The following MBNL3 variants were observed in gnomAD, a reference collection of about 807,000 sequenced individuals.
MBNL3 encodes the protein muscleblind like splicing regulator 3, also known as muscleblind-like protein 3.
MBNL3 carries 6 observed loss-of-function variants against 24.5 expected under a neutral mutation model. The ratio of observed to expected loss-of-function variants is 0.25; its 90% CI spans 0.13 to 0.48. The LOEUF is 0.48. MBNL3 is among the 20% of genes least tolerant of loss of function. MBNL3 has a pLI of 0.99. For synonymous variants in MBNL3, 100 were observed against 101.7 expected, an observed-to-expected ratio of 0.98 and a Z score of 0.10; for missense variants, 230 against 293.5, an observed-to-expected ratio of 0.78 and a Z score of 1.58.
Position 132,439,995 on chromosome X carries a change from C to T in MBNL3, c.-384G>A. 9.0e-6 allele frequency among the ~76,000 whole-genome samples: 1 copy of T among 111,430 alleles called. No homozygotes were observed. The highest frequency in any genetic ancestry group is 1.9e-5 in the Non-Finnish European group (1 of 53,059). On this transcript the variant is annotated 5_prime_UTR_variant, in exon 2 of 9. Coordinates refer to ENST00000370853, the MANE Select transcript of MBNL3 (RefSeq NM_001386889.1). ...AAAACATATGCTGCTGGCTGCCCTT[C>T]GATTTGTGGAATGGTCTCAGATCAG...
chrX:132,489,622 G>C (rs1461689779), upstream of MBNL3, among the ~76,000 whole-genome samples: 4 of 111,824 alleles, frequency 3.6e-5, no homozygotes, highest in Non-Finnish European at 7.6e-5. Context: ...GTCCCGCGCC[G>C]GACAGACGCG....
intron 2 of MBNL3, among the ~76,000 whole-genome samples, chrX:132,416,642 A>G (rs1002819372): frequency 8.0e-5 from 9 of 112,167 alleles, no homozygotes; most frequent in South Asian, 3.7e-4. Context: ...AGATATCCCA[A>G]TTACCCTGAT....
At chrX:132,437,993 A>C (rs1188316113) in intron 2 of MBNL3, 10 of 412,026 alleles carry the variant, frequency 2.4e-5, no homozygotes, top group Non-Finnish European at 3.0e-5. Context: ...AAATAAGTAA[A>C]AGTAACCCTT....
chrX:132,457,178 C>CAAGTCAT (rs1271486925), intron 1 of MBNL3, among the ~76,000 whole-genome samples: 1 of 111,130 alleles, frequency 9.0e-6, no homozygotes, highest in African/African-American at 3.3e-5. Flanking sequence ...CTGGAGTGTG[C>CAAGTCAT]AAGTCATAAA....
intron 6 of MBNL3, 110 bp downstream of exon 6, chrX:132,386,551 C>A: frequency 1.2e-6 from 1 of 856,003 alleles, no homozygotes. Flanking sequence ...TATTTTTAAT[C>A]AAAATACATG....
rs952052747 is a variant in MBNL3, at chrX:132,409,643, G to T, written c.178-3251C>A. ...GCTCACACTAGTGCAAAGTATCAGA[G>T]CATGCCTTAAACGACTCTGTAAACG... On this transcript the variant is annotated intron_variant, in intron 2 of 8. Coordinates refer to ENST00000370853, the MANE Select transcript of MBNL3 (RefSeq NM_001386889.1). Among the ~76,000 whole-genome samples the T allele has an allele frequency of 4.5e-5, 5 of 111,208 alleles. No individual in the cohort carries two copies. In the East Asian group the frequency reaches 1.4e-3, roughly 32 times the overall value.
chrX:132,392,656 AAC>A (rs2148125243), intron 3 of MBNL3, among the ~76,000 whole-genome samples: 1 of 112,377 alleles, frequency 8.9e-6, no homozygotes, highest in South Asian at 3.7e-4. Context: ...ATTCCCTAAA[AAC>A]CATGTCACCA....
chrX:132,451,770 T>G (rs1668657191), intron 1 of MBNL3, among the ~76,000 whole-genome samples: 1 of 111,489 alleles, frequency 9.0e-6, no homozygotes, highest in Non-Finnish European at 1.9e-5. Context: ...TGCCCAGTTT[T>G]GTGCTTGAAA....
At chrX:132,380,202 T>A (rs778796227) in intron 8 of MBNL3, among the ~76,000 whole-genome samples, 1 of 111,936 alleles carries the variant, frequency 8.9e-6, no homozygotes, top group Non-Finnish European at 1.9e-5. Context: ...CTGCCAAATA[T>A]CTCTACATTT....
chrX:132,398,170 T>C (rs2148215032), intron 3 of MBNL3, among the ~76,000 whole-genome samples: 1 of 111,263 alleles, frequency 9.0e-6, no homozygotes, highest in Non-Finnish European at 1.9e-5. Flanking sequence ...CAATAGGTGA[T>C]TGTGAGTATA....
chrX:132,472,204 C>T (rs1947217040), intron 1 of MBNL3, among the ~76,000 whole-genome samples: 1 of 111,769 alleles, frequency 8.9e-6, no homozygotes, highest in African/African-American at 3.3e-5. Context: ...GAATCAAATT[C>T]CTGCCAAGAA....
chrX:132,428,248 C>T (rs1944462777), intron 2 of MBNL3, among the ~76,000 whole-genome samples: 1 of 110,480 alleles, frequency 9.1e-6, no homozygotes, highest in Admixed American at 9.7e-5. Flanking sequence ...AAACAAGATA[C>T]CGAAAAATGA....
At chrX:132,385,661 T>C (rs142805731) in intron 6 of MBNL3, among the ~76,000 whole-genome samples, 38 of 111,051 alleles carry the variant, frequency 3.4e-4, no homozygotes, top group African/African-American at 4.2e-4. Flanking sequence ...ATCATATAAA[T>C]GTATACAAAT....
At chrX:132,403,395 A>T (rs1270761188) in intron 3 of MBNL3, among the ~76,000 whole-genome samples, 1 of 111,609 alleles carries the variant, frequency 9.0e-6, no homozygotes, top group African/African-American at 3.3e-5. Flanking sequence ...TAGAGAAGCA[A>T]TTTCCAATTG....
chrX:132,471,579 A>G (rs1947182843), intron 1 of MBNL3, among the ~76,000 whole-genome samples: 1 of 112,777 alleles, frequency 8.9e-6, no homozygotes, highest in African/African-American at 3.2e-5. Flanking sequence ...CCAGCTAGCT[A>G]CTCAGGAGGC....
At chrX:132,410,597 G>A (rs1942586398) in intron 2 of MBNL3, among the ~76,000 whole-genome samples, 1 of 112,447 alleles carries the variant, frequency 8.9e-6, no homozygotes, top group Non-Finnish European at 1.9e-5. Context: ...AAAGTTAAAT[G>A]TTAAATCAAG....
chrX:132,389,117 C>G (rs1936674445), intron 5 of MBNL3, among the ~76,000 whole-genome samples: 1 of 112,259 alleles, frequency 8.9e-6, no homozygotes, highest in African/African-American at 3.2e-5. Context: ...GCATATGAAG[C>G]TATTTTCATA....
At chrX:132,396,028 A>C in intron 3 of MBNL3, among the ~76,000 whole-genome samples, 1 of 110,628 alleles carries the variant, frequency 9.0e-6, no homozygotes, top group Admixed American at 9.8e-5. Context: ...GATTGAAAAA[A>C]ATAAGAGAAT....
Position 132,373,626 on chromosome X carries a change from C to T in MBNL3, c.*6040G>A, listed in dbSNP as rs1393465526. 1 of 111,867 alleles carries T rather than the reference C, an allele frequency of 8.9e-6. No homozygotes were observed. Among genetic ancestry groups the T allele is most frequent in the Non-Finnish European group, 1.9e-5 (1 of 53,064 alleles). 9.2% of individuals were successfully genotyped at this position (111,867 alleles called of 1,213,427 possible). ...CCACCAACCCCAGGATGGGTTCCTT[C>T]TCTAGGTACTACAAGTACCTGTAGT... On this transcript the variant is annotated 3_prime_UTR_variant, in exon 9 of 9. Coordinates refer to ENST00000370853, the MANE Select transcript of MBNL3 (RefSeq NM_001386889.1).
Sources: gnomAD v4.1 joint callset for allele counts (sites outside exome capture counted in the v4.1 genomes callset) on GRCh38, gnomAD v4.1.1 for gene constraint, MANE v1.5 for transcripts, NCBI Gene and HGNC (gene_info 2026-07-23, HGNC 2026-07-21) for gene names.